Variants in KLF17 observed in about 807,000 individuals in gnomAD.
The protein encoded by KLF17 is KLF transcription factor 17.
A neutral mutation model predicts 34.2 loss-of-function variants in KLF17; 31 were observed. The observed-to-expected ratio is 0.91, with a 90% confidence interval of 0.68 to 1.22. The LOEUF is 1.22. Among genes scored for constraint, KLF17 ranks in the 50% most tolerant of loss-of-function variants. The pLI is 0.00. For synonymous variants in KLF17, 179 were observed against 186.7 expected (o/e 0.96, Z 0.34); for missense variants, 478 against 505.2 (o/e 0.95, Z 0.52).
the KLF17 span, among the ~76,000 whole-genome samples, chr1:44,083,971 C>T: frequency 6.6e-6 from 1 of 152,130 alleles, no homozygotes; most frequent in African/African-American, 2.4e-5. Context: ...TATATTCAAC[C>T]TCCAGCTCAG....
chr1:44,067,724 G>T, the KLF17 span, among the ~76,000 whole-genome samples: 2 of 152,120 alleles, frequency 1.3e-5, no homozygotes, highest in African/African-American at 4.8e-5. Context: ...TTTAGAGAAG[G>T]AGCAGCTCAC....
At chr1:44,077,099 C>A in the KLF17 span, among the ~76,000 whole-genome samples, 2 of 151,170 alleles carry the variant, frequency 1.3e-5, no homozygotes, top group Non-Finnish European at 3.0e-5. Flanking sequence ...AATCCCAGCA[C>A]TTTGGAAGGC....
chr1:44,124,866 T>C (rs2087990719), intron 1 of KLF17, among the ~76,000 whole-genome samples: 1 of 152,168 alleles, frequency 6.6e-6, no homozygotes, highest in South Asian at 2.1e-4. Flanking sequence ...TCCTAGTTTA[T>C]AACATTCTAA....
At position 44,129,441 on chromosome 1, in the gene KLF17, G is replaced by C. The variant is rs2429051; in HGVS notation, c.170G>C (p.Ser57Thr). Residue 57 changes from serine (S) to threonine (T), a missense_variant, in exon 2 of 4, where the codon AGC becomes ACC. Transcript: ENST00000372299. ...VHTSWNQGLP[S>T]IQHFPHSAEM... ...ACCTCTTGGAACCAAGGCCTACCAA[G>C]CATTCAGCACTTTCCTCACAGCGCA... The C allele has an allele frequency of 0.64, 1,020,323 of 1,594,462 alleles. 333,446 individuals carry two copies. Among genetic ancestry groups the C allele is most frequent in the Non-Finnish European group, 0.67 (788,202 of 1,169,222 alleles).
chr1:44,046,857 T>G, the KLF17 span, among the ~76,000 whole-genome samples: 1 of 152,084 alleles, frequency 6.6e-6, no homozygotes, highest in Non-Finnish European at 1.5e-5. Context: ...ACCTGGTCTC[T>G]ACTAAAAATA....
At chr1:44,104,161 T>C in the KLF17 span, 1 of 1,059,394 alleles carries the variant, frequency 9.4e-7, no homozygotes, top group Non-Finnish European at 1.5e-6. Flanking sequence ...AACTTGTTCA[T>C]GTAAGCTTCA....
chr1:44,130,227 G>A (rs1455937208), intron 2 of KLF17, 31 bp downstream of exon 2: 1 of 1,580,964 alleles, frequency 6.3e-7, no homozygotes, highest in Non-Finnish European at 8.6e-7. Flanking sequence ...GGTGGGGATG[G>A]AGGAGTCTCT....
chr1:44,092,844 G>T, the KLF17 span, among the ~76,000 whole-genome samples: 1 of 150,928 alleles, frequency 6.6e-6, no homozygotes, highest in East Asian at 1.9e-4. Flanking sequence ...AATTATACTT[G>T]TACTTCAAAA....
At chr1:44,055,231 C>G in the KLF17 span, among the ~76,000 whole-genome samples, 1 of 152,282 alleles carries the variant, frequency 6.6e-6, no homozygotes, top group Non-Finnish European at 1.5e-5. Flanking sequence ...ACCTTACCAT[C>G]TCCATAGAGG....
chr1:44,065,377 T>A, the KLF17 span, among the ~76,000 whole-genome samples: 1 of 151,546 alleles, frequency 6.6e-6, no homozygotes, highest in Non-Finnish European at 1.5e-5. Context: ...CATAATAGTA[T>A]TCATAATATG....
the KLF17 span, among the ~76,000 whole-genome samples, chr1:44,101,790 G>A: frequency 6.6e-6 from 1 of 152,130 alleles, no homozygotes; most frequent in African/African-American, 2.4e-5. Context: ...ACTTTGGGAG[G>A]CCGAGGCAGA....
chr1:44,104,046 G>C, the KLF17 span: 1 of 869,292 alleles, frequency 1.2e-6, no homozygotes, highest in South Asian at 1.3e-5. Flanking sequence ...CAGCACCACA[G>C]ACGTGGCGGA....
chr1:44,055,958 T>C, the KLF17 span, among the ~76,000 whole-genome samples: 1 of 152,250 alleles, frequency 6.6e-6, no homozygotes, highest in African/African-American at 2.4e-5. Flanking sequence ...TATTTACCCA[T>C]GTCTCTGAAG....
intron 1 of KLF17, among the ~76,000 whole-genome samples, chr1:44,123,614 G>A (rs763914465): frequency 1.3e-5 from 2 of 151,858 alleles, no homozygotes; most frequent in Admixed American, 6.6e-5. Flanking sequence ...CTGGTTTGGG[G>A]TTTAGTGTAT....
chr1:44,118,270 C>A (rs538130440), upstream of KLF17, among the ~76,000 whole-genome samples: 1 of 152,230 alleles, frequency 6.6e-6, no homozygotes, highest in Non-Finnish European at 1.5e-5. Context: ...ACTATTTTAC[C>A]CCTAGTTCAG....
the KLF17 span, among the ~76,000 whole-genome samples, chr1:44,113,308 G>C: frequency 5.2e-4 from 79 of 152,318 alleles, 1 homozygote; most frequent in African/African-American, 1.8e-3. Flanking sequence ...GCACCAAAGA[G>C]AGGCAACAGA....
the KLF17 span, among the ~76,000 whole-genome samples, chr1:44,086,202 C>T: frequency 2.0e-5 from 3 of 152,354 alleles, no homozygotes; most frequent in African/African-American, 7.2e-5. Context: ...CGTGGTGGCT[C>T]ACGCCTGTAA....
chr1:44,073,927 A>G, the KLF17 span, among the ~76,000 whole-genome samples: 8 of 152,126 alleles, frequency 5.3e-5, no homozygotes, highest in African/African-American at 1.9e-4. Flanking sequence ...TTACTACCAC[A>G]AAAGTTTCAT....
Position 44,130,683 on chromosome 1 carries a change from G to A in KLF17, c.1097G>A (p.Arg366Gln), listed in dbSNP as rs756547380. 6.2e-6 allele frequency: 10 copies of A among 1,613,560 alleles called. No individual in the cohort carries two copies. Among genetic ancestry groups the A allele is most frequent in the Admixed American group, 5.0e-5 (3 of 59,880 alleles). The change falls in exon 3 of 4, where the codon CGG (arginine) becomes CAG (glutamine). Residue 366 changes from arginine (R) to glutamine (Q), a missense_variant. Physicochemically the swap from Arg to Gln is conservative, Grantham distance 43. Transcript: ENST00000372299. ...CTCAAGCAACACCAGAAGACTCATCGGCCGGGACCCTCAGACCCACAGGCC... is the reference window on the plus strand; with the variant it reads ...CTCAAGCAACACCAGAAGACTCATCAGCCGGGACCCTCAGACCCACAGGCC... Reference protein sequence around the residue: ...DHLKQHQKTHRPGPSDPQANN... With the variant: ...DHLKQHQKTHQPGPSDPQANN...
Sources: allele counts gnomAD v4.1 joint callset (sites outside exome capture counted in the v4.1 genomes callset), GRCh38; gene constraint gnomAD v4.1.1; transcripts MANE v1.5; gene names NCBI Gene and HGNC (gene_info 2026-07-23, HGNC 2026-07-21).